Variants in PCYT1A observed in about 807,000 individuals in gnomAD.
PCYT1A encodes the protein phosphate cytidylyltransferase 1A, choline, also known as choline-phosphate cytidylyltransferase A.
In PCYT1A, 25 loss-of-function variants were observed where a neutral mutation model predicts 43.7. The observed-to-expected ratio is 0.57, with a 90% CI of 0.42 to 0.80. PCYT1A has a LOEUF of 0.80. PCYT1A is among the 30% of genes least tolerant of loss of function. The pLI is 0.00. For missense variants in PCYT1A, 421 were observed against 474.2 expected (o/e 0.89, Z 1.04); for synonymous variants, 172 against 170.7 (o/e 1.01, Z -0.06).
rs1428310466 is a variant in PCYT1A, at chr3:196,236,366, T to C, written c.*2322A>G. On this transcript the variant is annotated 3_prime_UTR_variant, in exon 9 of 9. Coordinates refer to ENST00000431016, the MANE Select transcript of PCYT1A (RefSeq NM_001312673.2). Reference sequence around the variant, plus strand: ...TAAGTTAGACAGAAACAGGCAGCATTCCCAAAGAGAGAAGGCTGACGCAGA... The same window carrying C: ...TAAGTTAGACAGAAACAGGCAGCATCCCCAAAGAGAGAAGGCTGACGCAGA... The C allele has an allele frequency of 6.6e-6, 1 of 152,186 alleles. No homozygotes were observed. The highest frequency in any genetic ancestry group is 6.5e-5 in the Admixed American group (1 of 15,278). 9.4% of individuals were successfully genotyped at this position (152,186 alleles called of 1,614,324 possible).
At position 196,248,274 on chromosome 3, in the gene PCYT1A, G is replaced by A. The variant is rs2108766538; in HGVS notation, c.267C>T (p.His89=). 1 of 1,613,502 alleles carries A rather than the reference G, an allele frequency of 6.2e-7. No individual in the cohort carries two copies. The highest frequency in any genetic ancestry group is 1.6e-4 in the Middle Eastern group (1 of 6,062). ...VYADGIFDLF[H]SGHARALMQA... The stretch of plus-strand genomic sequence containing the variant: ...GCATCAGAGCTCGGGCGTGACCAGA[G>A]TGAAATAAGTCAAATATTCCATCGG... Residue 89 remains histidine (H), a synonymous_variant, in exon 4 of 9, where the codon CAC becomes CAT. Transcript: ENST00000431016.
intron 5 of PCYT1A, among the ~76,000 whole-genome samples, chr3:196,245,820 G>A (rs546268680): frequency 1.2e-4 from 19 of 152,030 alleles, no homozygotes; most frequent in South Asian, 4.2e-4. Context: ...GCATGGTGGC[G>A]CGCACCTGTA....
intron 2 of PCYT1A, among the ~76,000 whole-genome samples, chr3:196,263,381 A>C (rs1725172391): frequency 6.6e-6 from 1 of 151,888 alleles, no homozygotes; most frequent in Non-Finnish European, 1.5e-5. Context: ...ATATCCAGTT[A>C]ATTTTTCCAT....
At chr3:196,275,874 G>A (rs1003746730) in intron 1 of PCYT1A, among the ~76,000 whole-genome samples, 1 of 152,092 alleles carries the variant, frequency 6.6e-6, no homozygotes, top group Non-Finnish European at 1.5e-5. Flanking sequence ...AAGGCAGGCG[G>A]ATCACAAGGT....
intron 7 of PCYT1A, among the ~76,000 whole-genome samples, chr3:196,241,207 G>A (rs940328643): frequency 6.7e-6 from 1 of 149,632 alleles, no homozygotes; most frequent in Non-Finnish European, 1.5e-5. Context: ...CAGCTATTCA[G>A]GAGGCTAAGG....
intron 7 of PCYT1A, among the ~76,000 whole-genome samples, chr3:196,241,158 A>C (rs73084680): frequency 0.38 from 44,892 of 118,700 alleles, 7,419 homozygotes; most frequent in East Asian, 0.76. Flanking sequence ...AAAAAAAAAA[A>C]AAAAATTAGC....
chr3:196,284,015 A>G (rs1307003711), intron 1 of PCYT1A, among the ~76,000 whole-genome samples: 1 of 152,220 alleles, frequency 6.6e-6, no homozygotes, highest in Non-Finnish European at 1.5e-5. Context: ...ACTTTTACAA[A>G]AATGTATTCT....
In PCYT1A at chr3:196,242,174, T is replaced by A. The variant is rs1265764407; in HGVS notation, c.566-84A>T. 6.2e-6 allele frequency: 8 copies of A among 1,290,654 alleles called. No individual in the cohort carries two copies. The East Asian group carries it at 1.4e-4, about 22-fold the overall frequency. 80.0% of individuals were successfully genotyped at this position (1,290,654 alleles called of 1,614,324 possible). The stretch of plus-strand genomic sequence containing the variant: ...GACTAAATGGAAATTGGGGGCAACA[T>A]TCCTTTCCTTTCCTCAAAAAGCAGA... On this transcript the variant is annotated intron_variant, in intron 6 of 8. Coordinates refer to ENST00000431016, the MANE Select transcript of PCYT1A (RefSeq NM_001312673.2). This position sits in a 1 kb window ranked among gnomAD's most constrained non-coding sequence, Gnocchi z 4.2.
In PCYT1A at chr3:196,282,201, T is replaced by C. The variant is rs1725788956; in HGVS notation, c.-11+5414A>G. Among the ~76,000 whole-genome samples the C allele has an allele frequency of 6.6e-6, 1 of 152,206 alleles. No homozygotes were observed. The highest frequency in any genetic ancestry group is 1.5e-5 in the Non-Finnish European group (1 of 68,038). The stretch of plus-strand genomic sequence containing the variant: ...CACTTACTCTGTGCCAGACCCTGGG[T>C]TAGCCACTGGCACACATAATAAAGC... On this transcript the variant is annotated intron_variant, in intron 1 of 8. Coordinates refer to ENST00000431016, the MANE Select transcript of PCYT1A (RefSeq NM_001312673.2). The surrounding 1 kb of genome is among the most constrained non-coding windows in gnomAD (Gnocchi z 4.3).
intron 3 of PCYT1A, among the ~76,000 whole-genome samples, chr3:196,253,835 G>A (rs1440191073): frequency 6.6e-6 from 1 of 151,844 alleles, no homozygotes; most frequent in Non-Finnish European, 1.5e-5. Flanking sequence ...TTTACCAAGT[G>A]GCTATTGGCC....
chr3:196,254,988 A>C (rs76508708), intron 3 of PCYT1A, among the ~76,000 whole-genome samples: 35,591 of 151,850 alleles, frequency 0.23, 5,754 homozygotes, highest in East Asian at 0.76. Flanking sequence ...CTCTCAAATC[A>C]TATTTGTTTT....
intron 2 of PCYT1A, among the ~76,000 whole-genome samples, chr3:196,263,059 C>G (rs1476794357): frequency 6.6e-6 from 1 of 152,088 alleles, no homozygotes; most frequent in Non-Finnish European, 1.5e-5. Flanking sequence ...TCCCAAAGTG[C>G]TGGGATTACA....
chr3:196,241,178 T>TGGCACATG (rs1248315892), intron 7 of PCYT1A, among the ~76,000 whole-genome samples: 1 of 130,966 alleles, frequency 7.6e-6, no homozygotes, highest in African/African-American at 2.9e-5. Context: ...CCAGGCCTGG[T>TGGCACATG]GGCACATGCC....
chr3:196,242,173 A>AT lies in PCYT1A; in HGVS notation c.566-84dup, dbSNP rs1724378500. On this transcript the variant is annotated intron_variant, in intron 6 of 8. Coordinates refer to ENST00000431016, the MANE Select transcript of PCYT1A (RefSeq NM_001312673.2). The surrounding 1 kb of genome is among the most constrained non-coding windows in gnomAD (Gnocchi z 4.2). ...AGACTAAATGGAAATTGGGGGCAAC[A>AT]TTCCTTTCCTTTCCTCAAAAAGCAG... is the stretch of plus-strand genomic sequence containing the variant. The AT allele has an allele frequency of 7.4e-7, 1 of 1,353,344 alleles. No homozygotes were observed. Among genetic ancestry groups the AT allele is most frequent in the African/African-American group, 1.4e-5 (1 of 69,880 alleles). The allele number at this position is 1,353,344 out of a possible 1,614,324, so 83.8% of individuals were successfully genotyped here. A position where few individuals can be genotyped will look rare whatever the true frequency, so the allele number is the denominator to read the frequency against.
chr3:196,280,575 T>G (rs111369635), intron 1 of PCYT1A, among the ~76,000 whole-genome samples: 4 of 147,108 alleles, frequency 2.7e-5, no homozygotes, highest in Admixed American at 6.8e-5. Flanking sequence ...TTATTGTTTT[T>G]TTTTTTTTTT....
chr3:196,286,102 AC>A (rs145666684), intron 1 of PCYT1A, among the ~76,000 whole-genome samples: 10,264 of 129,020 alleles, frequency 0.08, 417 homozygotes, highest in Middle Eastern at 0.17. Flanking sequence ...TCCCTCTGTC[AC>A]CCGGGCTGGA....
At chr3:196,285,694 C>G (rs1245272275) in intron 1 of PCYT1A, among the ~76,000 whole-genome samples, 1 of 152,146 alleles carries the variant, frequency 6.6e-6, no homozygotes, top group Admixed American at 6.5e-5. Flanking sequence ...ACATTGAAGT[C>G]TCTCCCATGT....
chr3:196,279,821 C>T (rs1725701332), intron 1 of PCYT1A, among the ~76,000 whole-genome samples: 2 of 136,210 alleles, frequency 1.5e-5, no homozygotes, highest in Non-Finnish European at 1.5e-5. Flanking sequence ...CCTATCCAGT[C>T]CTTTCTTTTT....
At chr3:196,255,651 A>G (rs1328544799) in intron 3 of PCYT1A, among the ~76,000 whole-genome samples, 1 of 152,172 alleles carries the variant, frequency 6.6e-6, no homozygotes, top group African/African-American at 2.4e-5. Flanking sequence ...CTGAGATCAC[A>G]CCACCGCACT....
Sources: allele counts gnomAD v4.1 joint callset (sites outside exome capture counted in the v4.1 genomes callset), GRCh38; gene constraint gnomAD v4.1.1; non-coding constraint Gnocchi (gnomAD v3.1); transcripts MANE v1.5; gene names NCBI Gene and HGNC (gene_info 2026-07-23, HGNC 2026-07-21).